Variants in SNX2 observed in about 807,000 individuals in gnomAD.
SNX2 encodes the protein sorting nexin-2.
A neutral mutation model predicts 69.9 loss-of-function variants in SNX2; 25 were observed. The observed-to-expected ratio is 0.36, with a 90% confidence interval of 0.26 to 0.50. The LOEUF (loss-of-function observed/expected upper bound fraction) is 0.50. SNX2 is among the 20% of genes least tolerant of loss of function. The probability of loss-of-function intolerance (pLI) is 0.97; values close to 1 mark genes in which losing one functional copy is unlikely to be tolerated. For synonymous variants in SNX2, 229 were observed against 200.4 expected, an observed-to-expected ratio of 1.14 and a Z score of -1.20; for missense variants, 551 against 613.3, an observed-to-expected ratio of 0.90 and a Z score of 1.07.
chr5:122,828,184 T>C (rs1454876043), intron 14 of SNX2: 2 of 152,220 alleles, frequency 1.3e-5, no homozygotes, highest in Non-Finnish European at 2.9e-5. Flanking sequence ...TATATTTTAA[T>C]GTAAATTAGA....
intron 1 of SNX2, among the ~76,000 whole-genome samples, chr5:122,783,013 T>G (rs1753010731): frequency 6.6e-6 from 1 of 151,904 alleles, no homozygotes; most frequent in African/African-American, 2.4e-5. Flanking sequence ...CTCGGCTCAC[T>G]GCAACCTCCA....
intron 2 of SNX2, among the ~76,000 whole-genome samples, chr5:122,798,830 G>A (rs2150007131): frequency 6.6e-6 from 1 of 152,120 alleles, no homozygotes; most frequent in Admixed American, 6.6e-5. Flanking sequence ...TTGTCTCCCA[G>A]CTCAACTCAA....
At chr5:122,826,227 G>T in intron 12 of SNX2, 34 bp downstream of exon 12, 1 of 1,576,232 alleles carries the variant, frequency 6.3e-7, no homozygotes, top group Non-Finnish European at 8.6e-7. Flanking sequence ...CTTTACTTAA[G>T]TTTTGCATGA....
intron 2 of SNX2, among the ~76,000 whole-genome samples, chr5:122,798,738 C>G (rs761020748): frequency 3.9e-5 from 6 of 152,080 alleles, no homozygotes; most frequent in Non-Finnish European, 8.8e-5. Flanking sequence ...TGCTATTATT[C>G]CATTATCATG....
At position 122,817,322 on chromosome 5, in the gene SNX2, C is replaced by T; in HGVS notation, c.955C>T (p.Gln319Ter). ...GCAGCAATTTGAGAATCTGGATCAG[C>T]AACTTAGGAAACTTCATGTCAGTGT... ...KQQQFENLDQ[Q>*]LRKLHVSVEA... The change falls in exon 10 of 15, where the codon CAA becomes TAA. Residue 319 changes from glutamine to a stop codon, truncating the protein, a stop_gained. Coordinates refer to ENST00000379516, the MANE Select transcript of SNX2 (RefSeq NM_003100.4). LOFTEE classifies it high-confidence loss of function. The T allele has an allele frequency of 6.2e-7, 1 of 1,613,916 alleles. No homozygotes were observed. Among genetic ancestry groups the T allele is most frequent in the Non-Finnish European group, 8.5e-7 (1 of 1,179,916 alleles).
chr5:122,807,010 G>T (rs1041947067), intron 6 of SNX2, among the ~76,000 whole-genome samples: 1 of 152,144 alleles, frequency 6.6e-6, no homozygotes, highest in African/African-American at 2.4e-5. Flanking sequence ...TCTAGGTCGG[G>T]TGTGGTAGCA....
At chr5:122,817,962 A>T (rs1198379198) in intron 10 of SNX2, among the ~76,000 whole-genome samples, 2 of 152,248 alleles carry the variant, frequency 1.3e-5, no homozygotes, top group East Asian at 3.9e-4. Flanking sequence ...TTTTTAAAGA[A>T]TCCAACAATG....
Position 122,808,284 on chromosome 5 carries a change from C to G in SNX2, c.651C>G (p.Thr217=). The G allele has an allele frequency of 6.2e-7, 1 of 1,605,122 alleles. No individual in the cohort carries two copies. The highest frequency in any genetic ancestry group is 2.2e-5 in the East Asian group (1 of 44,554). The change falls in exon 7 of 15, where the codon ACC becomes ACG. Residue 217 remains threonine (T), a synonymous_variant. Coordinates refer to ENST00000379516, the MANE Select transcript of SNX2 (RefSeq NM_003100.4). ...PAPEKSIVGM[T]KVKVGKEDSS... ...CATTCAACTTCTTCAAAGGGATGAC[C>G]AAGGTCAAAGTGGGTAAAGAAGACT...
chr5:122,822,582 A>T (rs918707784), intron 11 of SNX2, among the ~76,000 whole-genome samples: 1 of 152,236 alleles, frequency 6.6e-6, no homozygotes, highest in Non-Finnish European at 1.5e-5. Context: ...AAAAAACATC[A>T]GGAATTGGAA....
rs1439913159 is a variant in SNX2, at chr5:122,806,103, T to TGTGTGTGCGC, written c.644-2167_644-2166insCGCGTGTGTG. ...CCTGTTTAAAACTTTTATGTGTGTG[T>TGTGTGTGCGC]GTGTGTGTGCGTGTGTGTATATATA... On this transcript the variant is annotated intron_variant, in intron 6 of 14. Coordinates refer to ENST00000379516, the MANE Select transcript of SNX2 (RefSeq NM_003100.4). Among the ~76,000 whole-genome samples the TGTGTGTGCGC allele has an allele frequency of 8.8e-5, 8 of 91,190 alleles. No individual in the cohort carries two copies. In the East Asian group the frequency reaches 3.1e-3, roughly 36 times the overall value. 59.8% of individuals were successfully genotyped at this position (91,190 alleles called of 152,430 possible).
chr5:122,790,934 G>T (rs115182768), intron 1 of SNX2, among the ~76,000 whole-genome samples: 1,917 of 152,254 alleles, frequency 0.013, 21 homozygotes, highest in Non-Finnish European at 0.021. Context: ...ACCTTGTCTT[G>T]TTCCTGATCT....
At chr5:122,814,099 C>T (rs959730207) in intron 7 of SNX2, among the ~76,000 whole-genome samples, 1 of 152,098 alleles carries the variant, frequency 6.6e-6, no homozygotes, top group Non-Finnish European at 1.5e-5. Flanking sequence ...GATGTTTTGT[C>T]CTTCTTGGGT....
At chr5:122,804,070 C>T (rs1451745877) in intron 6 of SNX2, among the ~76,000 whole-genome samples, 1 of 151,602 alleles carries the variant, frequency 6.6e-6, no homozygotes, top group Non-Finnish European at 1.5e-5. Context: ...ACTCAGAAGG[C>T]GGAGGTTGCA....
At chr5:122,816,660 C>G (rs1753906305) in intron 8 of SNX2, among the ~76,000 whole-genome samples, 1 of 151,974 alleles carries the variant, frequency 6.6e-6, no homozygotes, top group Non-Finnish European at 1.5e-5. Context: ...GGTGTTTGTT[C>G]CATCTAAATG....
rs375711631 is a variant in SNX2, at chr5:122,816,826, G to GT, written c.799-89_799-88insT. ...TTTTAAAATTTGTATGTGGGGGGGA[G>GT]GGGGGAGGAGGGGGGATCACTTTTG... On this transcript the variant is annotated intron_variant, in intron 8 of 14. Transcript: ENST00000379516. 20 of 505,138 alleles carry GT rather than the reference G, an allele frequency of 4.0e-5. 1 individual carries two copies. Among genetic ancestry groups the GT allele is most frequent in the South Asian group, 2.1e-4 (10 of 48,360 alleles). The allele number at this position is 505,138 out of a possible 1,614,324, so 31.3% of individuals were successfully genotyped here. A position where few individuals can be genotyped will look rare whatever the true frequency, so the allele number is the denominator to read the frequency against.
In SNX2 at chr5:122,775,135, G is replaced by A. The variant is rs754332350; in HGVS notation, c.32G>A (p.Gly11Glu). The change falls in exon 1 of 15, where the codon GGG (glycine) becomes GAG (glutamate). Residue 11 changes from glycine (G) to glutamate (E), a missense_variant. By Grantham distance (98) the Gly-to-Glu change is moderately conservative (BLOSUM62 -2). Coordinates refer to ENST00000379516, the MANE Select transcript of SNX2 (RefSeq NM_003100.4). MAAEREPPPL[G>E]DGKPTDFEDL... The stretch of plus-strand genomic sequence containing the variant: ...GCCGAGAGGGAACCTCCTCCGCTGG[G>A]GGACGGGAAGCCCACCGACTTTGAG... 2 of 1,595,594 alleles carry A rather than the reference G, an allele frequency of 1.3e-6. No homozygotes were observed. The highest frequency in any genetic ancestry group is 2.3e-5 in the East Asian group (1 of 44,060).
In SNX2 at chr5:122,799,018, T is replaced by C. The variant is rs1009810123; in HGVS notation, c.227-674T>C. Among the ~76,000 whole-genome samples, 11 of 152,322 alleles carry C rather than the reference T, an allele frequency of 7.2e-5. No individual in the cohort carries two copies. In the East Asian group the frequency reaches 2.1e-3, roughly 29 times the overall value. ...AGGGCAGGTATGATATTTTACATTT[T>C]TGTGTGTTTTTCTGTTGCACTTAGC... On this transcript the variant is annotated intron_variant, in intron 2 of 14. Transcript: ENST00000379516.
chr5:122,819,427 A>G (rs1283977083), intron 11 of SNX2, among the ~76,000 whole-genome samples: 3 of 152,190 alleles, frequency 2.0e-5, no homozygotes, highest in Admixed American at 6.5e-5. Flanking sequence ...AATATGTTTA[A>G]TGGGGGCTTT....
In SNX2 at chr5:122,803,609, A is replaced by G; in HGVS notation, c.639A>G (p.Ile213Met). 1 of 1,599,568 alleles carries G rather than the reference A, an allele frequency of 6.3e-7. No homozygotes were observed. Among genetic ancestry groups the G allele is most frequent in the Middle Eastern group, 1.8e-4 (1 of 5,588 alleles). ...YIVPPAPEKS[I>M]VGMTKVKVGK... ...TGCCACCAGCTCCAGAAAAGAGTAT[A>G]GTAGGTAAGCACAAATTTTTCAAAA... Residue 213 changes from isoleucine (I) to methionine (M), a missense_variant, in exon 6 of 15, where the codon ATA becomes ATG. Ile to Met is a conservative substitution (Grantham distance 10). Transcript: ENST00000379516.
Sources: gnomAD v4.1 joint callset for allele counts (sites outside exome capture counted in the v4.1 genomes callset) on GRCh38, gnomAD v4.1.1 for gene constraint, MANE v1.5 for transcripts, NCBI Gene and HGNC (gene_info 2026-07-23, HGNC 2026-07-21) for gene names.